Variants in SHC3 observed in about 807,000 individuals in gnomAD.
SHC3 encodes SHC adaptor protein 3.
A neutral mutation model predicts 60.4 loss-of-function variants in SHC3; 15 were observed. That is an observed-to-expected ratio of 0.25 (90% CI 0.17 to 0.38). The LOEUF (loss-of-function observed/expected upper bound fraction) is 0.38, where lower values mean the gene tolerates loss of function less well. SHC3 is among the 10% of genes least tolerant of loss of function. The pLI, the probability that SHC3 is intolerant of heterozygous loss-of-function variation, is 1.00. For synonymous variants in SHC3, 294 were observed against 325.9 expected (o/e 0.90, Z 1.05); for missense variants, 677 against 786.1 (o/e 0.86, Z 1.66).
chr9:89,039,050 T>A (rs1824631309), intron 10 of SHC3, among the ~76,000 whole-genome samples: 1 of 152,250 alleles, frequency 6.6e-6, no homozygotes, highest in Non-Finnish European at 1.5e-5. Flanking sequence ...TAAATCCCGA[T>A]GTTCGATTTT....
chr9:89,160,062 A>G (rs1460394712), intron 1 of SHC3, among the ~76,000 whole-genome samples: 1 of 152,242 alleles, frequency 6.6e-6, no homozygotes, highest in Non-Finnish European at 1.5e-5. Flanking sequence ...AGGACTTCGC[A>G]CAGACCCTGC....
In SHC3 at chr9:89,085,829, C is replaced by T. The variant is rs138970441; in HGVS notation, c.546-7926G>A. Among the ~76,000 whole-genome samples, 57 of 152,326 alleles carry T rather than the reference C, an allele frequency of 3.7e-4. 1 individual carries two copies. In the East Asian group the frequency reaches 6.9e-3, roughly 19 times the overall value. On this transcript the variant is annotated intron_variant, in intron 2 of 11. Coordinates refer to ENST00000375835, the MANE Select transcript of SHC3 (RefSeq NM_016848.6). The stretch of plus-strand genomic sequence containing the variant: ...TAGAGTTCTAGAAATGCTTTCCAAA[C>T]GCCTCCTCATCAACCTGGCAAGGAG...
At chr9:89,065,634 C>G (rs945245757) in intron 5 of SHC3, 54 bp from the exon 6 acceptor site, 1 of 1,565,144 alleles carries the variant, frequency 6.4e-7, no homozygotes, top group Non-Finnish European at 8.8e-7. Flanking sequence ...AGAGACCACA[C>G]AGTCAGGGAC....
At chr9:89,100,552 A>G (rs1232469792) in intron 2 of SHC3, among the ~76,000 whole-genome samples, 1 of 152,110 alleles carries the variant, frequency 6.6e-6, no homozygotes, top group Non-Finnish European at 1.5e-5. Flanking sequence ...AAAAACCCAT[A>G]TAGTCACGTA....
At chr9:89,095,771 T>G (rs1303962834) in intron 2 of SHC3, among the ~76,000 whole-genome samples, 1 of 152,160 alleles carries the variant, frequency 6.6e-6, no homozygotes. Flanking sequence ...AAACTGACTT[T>G]CATATTGATT....
At chr9:89,015,379 A>G (rs1439437387) in intron 11 of SHC3, among the ~76,000 whole-genome samples, 2 of 152,154 alleles carry the variant, frequency 1.3e-5, no homozygotes, top group Admixed American at 6.5e-5. Context: ...CTCACCTCCA[A>G]TACTCCTGAG....
chr9:89,022,383 C>T (rs1179646759), intron 11 of SHC3, among the ~76,000 whole-genome samples: 1 of 152,128 alleles, frequency 6.6e-6, no homozygotes, highest in Non-Finnish European at 1.5e-5. Context: ...TCACCTGTGG[C>T]TTTGCGGCGG....
intron 1 of SHC3, among the ~76,000 whole-genome samples, chr9:89,137,828 A>G (rs992059559): frequency 1.3e-5 from 2 of 152,220 alleles, no homozygotes; most frequent in Non-Finnish European, 2.9e-5. Flanking sequence ...AACTCAATTC[A>G]TCAGGAGCAA....
At chr9:89,098,179 C>A (rs1183499553) in intron 2 of SHC3, among the ~76,000 whole-genome samples, 1 of 151,976 alleles carries the variant, frequency 6.6e-6, no homozygotes, top group Non-Finnish European at 1.5e-5. Context: ...CATGCACTCT[C>A]AAAAAATGTC....
At chr9:89,175,255 C>A (rs753940374) in intron 1 of SHC3, among the ~76,000 whole-genome samples, 17 of 152,318 alleles carry the variant, frequency 1.1e-4, no homozygotes, top group Non-Finnish European at 2.1e-4. Context: ...AGAATATAAA[C>A]CTCTAGGCAG....
At chr9:89,086,754 T>C (rs1825536796) in intron 2 of SHC3, among the ~76,000 whole-genome samples, 1 of 152,180 alleles carries the variant, frequency 6.6e-6, no homozygotes, top group South Asian at 2.1e-4. Flanking sequence ...GTCACCTCAT[T>C]AGCATACAAA....
intron 11 of SHC3, among the ~76,000 whole-genome samples, chr9:89,014,152 G>A (rs1826056648): frequency 6.6e-6 from 1 of 152,220 alleles, no homozygotes; most frequent in South Asian, 2.1e-4. Context: ...GTCCCCCACT[G>A]GAGAGTGAGC....
In SHC3 at chr9:89,009,588, C is replaced by G. The variant is rs1825989115; in HGVS notation, c.*3859G>C. 1 of 152,240 alleles carries G rather than the reference C, an allele frequency of 6.6e-6. No individual in the cohort carries two copies. The highest frequency in any genetic ancestry group is 1.5e-5 in the Non-Finnish European group (1 of 68,062). 9.4% of individuals were successfully genotyped at this position (152,240 alleles called of 1,614,324 possible). ...CAAGCTGGGAACATGTATAGCCCTG[C>G]AGTGTAGAGCACGCCAAGGCTCAGA... On this transcript the variant is annotated 3_prime_UTR_variant, in exon 12 of 12. Coordinates refer to ENST00000375835, the MANE Select transcript of SHC3 (RefSeq NM_016848.6).
At chr9:89,059,530 CA>C (rs1182005393) in intron 6 of SHC3, among the ~76,000 whole-genome samples, 1 of 126,862 alleles carries the variant, frequency 7.9e-6, no homozygotes, top group Non-Finnish European at 1.6e-5. Flanking sequence ...TGGTGGAGGA[CA>C]GTGGTGTAGG....
At chr9:89,016,218 A>AC (rs948786533) in intron 11 of SHC3, among the ~76,000 whole-genome samples, 4 of 152,106 alleles carry the variant, frequency 2.6e-5, no homozygotes, top group African/African-American at 9.7e-5. Context: ...AAAAGAGGGG[A>AC]CCCCACAACA....
At position 89,100,246 on chromosome 9, in the gene SHC3, G is replaced by A. The variant is rs542302114; in HGVS notation, c.545+12310C>T. Among the ~76,000 whole-genome samples, 19 of 152,214 alleles carry A rather than the reference G, an allele frequency of 1.2e-4. No individual in the cohort carries two copies. The East Asian group carries it at 3.7e-3, about 29-fold the overall frequency. On this transcript the variant is annotated intron_variant, in intron 2 of 11. Transcript: ENST00000375835. ...GCTGTGGGCCAGGCAGCAGTCATGA[G>A]GTAGTTACCACTTCCTGCACATATG... is the stretch of plus-strand genomic sequence containing the variant.
intron 1 of SHC3, among the ~76,000 whole-genome samples, chr9:89,160,554 A>G (rs1826689669): frequency 6.6e-6 from 1 of 152,090 alleles, no homozygotes; most frequent in Admixed American, 6.5e-5. Flanking sequence ...TGATCCATTC[A>G]TTTCCCCCTT....
At position 89,006,268 on chromosome 9, in the gene SHC3, T is replaced by C. The variant is rs1289477826; in HGVS notation, c.*7179A>G. ...AATGCTTGGAAACCACACCATTTCC[T>C]GACAGAGTGAAGGAATCCCTGTGGA... On this transcript the variant is annotated 3_prime_UTR_variant, in exon 12 of 12. Coordinates refer to ENST00000375835, the MANE Select transcript of SHC3 (RefSeq NM_016848.6). 6.6e-6 allele frequency: 1 copy of C among 152,246 alleles called. No individual in the cohort carries two copies. The highest frequency in any genetic ancestry group is 2.4e-5 in the African/African-American group (1 of 41,466). The allele number at this position is 152,246 out of a possible 1,614,324, so 9.4% of individuals were successfully genotyped here.
chr9:89,098,315 A>G (rs934236266), intron 2 of SHC3, among the ~76,000 whole-genome samples: 1 of 152,238 alleles, frequency 6.6e-6, no homozygotes, highest in African/African-American at 2.4e-5. Flanking sequence ...AAAACCATCA[A>G]TGAAGGACAT....
Sources: gnomAD v4.1 joint callset for allele counts (sites outside exome capture counted in the v4.1 genomes callset) on GRCh38, gnomAD v4.1.1 for gene constraint, MANE v1.5 for transcripts, NCBI Gene and HGNC (gene_info 2026-07-23, HGNC 2026-07-21) for gene names.